The following CHD7 variants were observed in gnomAD, a reference collection of about 807,000 sequenced individuals.
CHD7 encodes the protein ATP-dependent chromatin remodeler CHD7.
A neutral mutation model predicts 307.3 loss-of-function variants in CHD7; 24 were observed. The observed-to-expected ratio is 0.08, with a 90% CI of 0.06 to 0.11. The LOEUF is 0.11. Among genes scored for constraint, CHD7 ranks in the 10% least tolerant of loss-of-function variants. The pLI, the probability that CHD7 is intolerant of heterozygous loss-of-function variation, is 1.00. For synonymous variants in CHD7, 1,363 were observed against 1,349.9 expected (o/e 1.01, Z -0.21); for missense variants, 3,106 against 3,727.1 (o/e 0.83, Z 4.34).
intron 2 of CHD7, among the ~76,000 whole-genome samples, chr8:60,751,994 C>T (rs955367128): frequency 6.6e-6 from 1 of 152,158 alleles, no homozygotes; most frequent in Non-Finnish European, 1.5e-5. Context: ...GGATCAAAAA[C>T]ATGCCTTTTT....
At chr8:60,792,368 G>GT (rs1811817249) in intron 3 of CHD7, among the ~76,000 whole-genome samples, 1 of 152,178 alleles carries the variant, frequency 6.6e-6, no homozygotes, top group Non-Finnish European at 1.5e-5. Context: ...TGATGGAAAT[G>GT]TTGGAGGGTG....
chr8:60,778,275 T>A (rs1459084079), intron 2 of CHD7, among the ~76,000 whole-genome samples: 1 of 152,198 alleles, frequency 6.6e-6, no homozygotes, highest in Admixed American at 6.5e-5. Context: ...ACTGTAATAT[T>A]TCTGAGCACC....
At chr8:60,792,775 T>C (rs191617431) in intron 3 of CHD7, among the ~76,000 whole-genome samples, 1 of 152,288 alleles carries the variant, frequency 6.6e-6, no homozygotes, top group East Asian at 1.9e-4. Context: ...AATTAAACCG[T>C]GTACATCGCT....
intron 19 of CHD7, among the ~76,000 whole-genome samples, chr8:60,840,585 T>G (rs1045113399): frequency 6.6e-6 from 1 of 152,040 alleles, no homozygotes; most frequent in Non-Finnish European, 1.5e-5. Flanking sequence ...ACCTTCCACC[T>G]TCAGCTTCCC....
intron 19 of CHD7, among the ~76,000 whole-genome samples, chr8:60,840,051 T>G (rs1000933807): frequency 6.6e-6 from 1 of 152,236 alleles, no homozygotes. Flanking sequence ...GTGTCTGGCT[T>G]CATTCAGTTA....
chr8:60,703,095 C>T (rs933094552), intron 1 of CHD7, among the ~76,000 whole-genome samples: 1 of 152,214 alleles, frequency 6.6e-6, no homozygotes, highest in Non-Finnish European at 1.5e-5. Context: ...CATATTTGGC[C>T]ACCACTGCGA....
At chr8:60,821,659 C>T (rs1361302710) in intron 9 of CHD7, 131 bp from the exon 10 acceptor site, 3 of 629,610 alleles carry the variant, frequency 4.8e-6, no homozygotes, top group Non-Finnish European at 5.0e-6. Context: ...TATACACATA[C>T]ATATATATGT....
intron 1 of CHD7, among the ~76,000 whole-genome samples, chr8:60,691,381 G>GA (rs1455745695): frequency 1.3e-5 from 2 of 152,160 alleles, no homozygotes; most frequent in African/African-American, 4.8e-5. Context: ...CGAGAGGTAA[G>GA]AAAAACGAGT....
intron 1 of CHD7, among the ~76,000 whole-genome samples, chr8:60,687,784 C>T (rs982500036): frequency 6.6e-6 from 1 of 152,054 alleles, no homozygotes; most frequent in African/African-American, 2.4e-5. Context: ...GATGAGGAGA[C>T]TAAAAGGGAT....
intron 1 of CHD7, among the ~76,000 whole-genome samples, chr8:60,726,850 C>T: frequency 6.6e-6 from 1 of 152,184 alleles, no homozygotes. Flanking sequence ...GCCATCTGCA[C>T]CCACCTTCCT....
At chr8:60,833,046 C>T (rs1306659866) in intron 15 of CHD7, among the ~76,000 whole-genome samples, 2 of 152,196 alleles carry the variant, frequency 1.3e-5, no homozygotes, top group African/African-American at 2.4e-5. Context: ...CTTACGCAGA[C>T]ATTGTATTGT....
chr8:60,739,960 G>A (rs1011976447), intron 1 of CHD7, among the ~76,000 whole-genome samples: 12 of 151,956 alleles, frequency 7.9e-5, no homozygotes, highest in African/African-American at 2.9e-4. Flanking sequence ...TTATAAAAGA[G>A]AAAAAAATGA....
chr8:60,688,709 A>G (rs1347318968), intron 1 of CHD7, among the ~76,000 whole-genome samples: 1 of 152,206 alleles, frequency 6.6e-6, no homozygotes, highest in East Asian at 1.9e-4. Context: ...CCTTCTAGTG[A>G]AACAGTCATT....
At chr8:60,727,114 CATTTT>C (rs2150554614) in intron 1 of CHD7, among the ~76,000 whole-genome samples, 1 of 152,160 alleles carries the variant, frequency 6.6e-6, no homozygotes, top group South Asian at 2.1e-4. Context: ...TTATTATCCC[CATTTT>C]ATTTTATTAT....
At chr8:60,728,416 A>C (rs199691977) in intron 1 of CHD7, among the ~76,000 whole-genome samples, 1 of 151,722 alleles carries the variant, frequency 6.6e-6, no homozygotes. Context: ...TTGTGGCAGG[A>C]GGAAGGAGTG....
chr8:60,687,546 T>G (rs1185460327), intron 1 of CHD7, among the ~76,000 whole-genome samples: 1 of 152,246 alleles, frequency 6.6e-6, no homozygotes, highest in Non-Finnish European at 1.5e-5. Context: ...ATCTTGAGAA[T>G]TTCAAAATCT....
chr8:60,696,419 C>T (rs555460853), intron 1 of CHD7, among the ~76,000 whole-genome samples: 1 of 152,290 alleles, frequency 6.6e-6, no homozygotes, highest in South Asian at 2.1e-4. Flanking sequence ...TTCTATGTGA[C>T]TTACTAACTC....
At chr8:60,718,045 A>G (rs1205163379) in intron 1 of CHD7, among the ~76,000 whole-genome samples, 1 of 152,166 alleles carries the variant, frequency 6.6e-6, no homozygotes, top group Non-Finnish European at 1.5e-5. Flanking sequence ...AGGAGATGAC[A>G]GTTCCATGCC....
At chr8:60,719,012 T>C (rs10106752) in intron 1 of CHD7, among the ~76,000 whole-genome samples, 79,051 of 152,164 alleles carry the variant, frequency 0.52, 25,054 homozygotes, top group East Asian at 0.74. Flanking sequence ...CCTAGGTGTG[T>C]AGGAGGCTGT....
Sources: allele counts gnomAD v4.1 joint callset (sites outside exome capture counted in the v4.1 genomes callset), GRCh38; gene constraint gnomAD v4.1.1; transcripts MANE v1.5; gene names NCBI Gene and HGNC (gene_info 2026-07-23, HGNC 2026-07-21).